DNAJC17: variants seen among roughly 807,000 people sequenced by gnomAD.
DNAJC17 encodes DnaJ heat shock protein family (Hsp40) member C17.
Under a neutral mutation model 48.1 loss-of-function variants are expected in DNAJC17, and 35 were observed. The observed-to-expected ratio is 0.73, with a 90% CI of 0.56 to 0.96. DNAJC17 has a LOEUF of 0.96. DNAJC17 is among the 50% of genes least tolerant of loss of function. The pLI is 0.00. For missense variants in DNAJC17, 355 were observed against 377.1 expected (o/e 0.94, Z 0.48); for synonymous variants, 117 against 142.7 (o/e 0.82, Z 1.28).
rs1207187471 is a variant in DNAJC17, at chr15:40,776,232, C to T, written c.442G>A (p.Glu148Lys). ...TGGTCACGCTCCTGGCGTATCTGCT[C>T]CCGGATGAGCCTCTGCTGTTCCTCC... is the stretch of plus-strand genomic sequence containing the variant. ...QLEEQQRLIR[E>K]QIRQERDQRL... is the part of the protein sequence containing the mutation. Residue 148 changes from glutamate to lysine, a missense_variant, in exon 6 of 11, where the codon GAG (glutamate) becomes AAG (lysine). Glu to Lys is a moderately conservative substitution (Grantham distance 56). Transcript: ENST00000220496. 1 of 1,614,150 alleles carries T rather than the reference C, an allele frequency of 6.2e-7. No individual in the cohort carries two copies. The highest frequency in any genetic ancestry group is 8.5e-7 in the Non-Finnish European group (1 of 1,180,028).
chr15:40,807,252 G>A (rs1267023632), intron 1 of DNAJC17, 117 bp downstream of exon 1: 2 of 1,586,568 alleles, frequency 1.3e-6, no homozygotes, highest in Non-Finnish European at 1.7e-6. Flanking sequence ...GCCGACCCTC[G>A]CTCCCCGCCC....
At chr15:40,797,717 C>CTTT (rs538219563) in intron 1 of DNAJC17, among the ~76,000 whole-genome samples, 51 of 98,988 alleles carry the variant, frequency 5.2e-4, no homozygotes, top group East Asian at 1.7e-3. Context: ...TGGCCGATCT[C>CTTT]TTTTTTTTTT....
intron 1 of DNAJC17, among the ~76,000 whole-genome samples, chr15:40,799,311 G>A (rs968152994): frequency 1.4e-5 from 2 of 147,624 alleles, no homozygotes; most frequent in African/African-American, 2.5e-5. Flanking sequence ...ACTTCCACCC[G>A]AAACCCAGGT....
In DNAJC17 at chr15:40,781,904, A is replaced by T. The variant is rs572737593; in HGVS notation, c.79-1907T>A. Among the ~76,000 whole-genome samples the T allele has an allele frequency of 3.7e-4, 57 of 152,238 alleles. 1 individual carries two copies. Among genetic ancestry groups the T allele is most frequent in the Admixed American group, 7.2e-4 (11 of 15,300 alleles). On this transcript the variant is annotated intron_variant, in intron 1 of 10. Transcript: ENST00000220496. ...ACCATTGCACTGCAGCCTGGGAGACAGAATGAGACTCTGTCTCAAAAAAAA... is the reference window on the plus strand; with the variant it reads ...ACCATTGCACTGCAGCCTGGGAGACTGAATGAGACTCTGTCTCAAAAAAAA...
chr15:40,779,904 C>T lies in DNAJC17; in HGVS notation c.148+24G>A, dbSNP rs757047104. On this transcript the variant is annotated intron_variant, in intron 2 of 10. Transcript: ENST00000220496. Reference sequence around the variant, plus strand: ...GCCCGGGTGAGTGGGTTTCTTTCTCCCCACGCCCTGAGAAGAGTCTCACCT... The same window carrying T: ...GCCCGGGTGAGTGGGTTTCTTTCTCTCCACGCCCTGAGAAGAGTCTCACCT... 4 of 1,611,468 alleles carry T rather than the reference C, an allele frequency of 2.5e-6. No individual in the cohort carries two copies. In the South Asian group the frequency reaches 4.4e-5, roughly 18 times the overall value.
At chr15:40,797,599 C>T (rs1208645487) in intron 1 of DNAJC17, among the ~76,000 whole-genome samples, 1 of 150,942 alleles carries the variant, frequency 6.6e-6, no homozygotes, top group Admixed American at 6.6e-5. Context: ...TTTAGTAGAG[C>T]CGGGATTTCA....
intron 1 of DNAJC17, among the ~76,000 whole-genome samples, chr15:40,799,578 C>T (rs1314380079): frequency 6.6e-6 from 1 of 152,120 alleles, no homozygotes; most frequent in African/African-American, 2.4e-5. Flanking sequence ...TCTGTAAAGG[C>T]CCCCGGTTGA....
intron 9 of DNAJC17, 89 bp from the exon 10 acceptor site, chr15:40,773,926 G>T: frequency 8.5e-7 from 1 of 1,180,528 alleles, no homozygotes; most frequent in Non-Finnish European, 1.2e-6. Context: ...CGGAACCAGC[G>T]TTCTAGCCCT....
rs997211575 is a variant in DNAJC17 at position 40,769,431 on chromosome 15, C to T, written c.793-1369G>A. 1.3e-5 allele frequency among the ~76,000 whole-genome samples: 2 copies of T among 152,230 alleles called. No individual in the cohort carries two copies. Among genetic ancestry groups the T allele is most frequent in the Non-Finnish European group, 2.9e-5 (2 of 68,034 alleles). On this transcript the variant is annotated intron_variant, in intron 10 of 10. Transcript: ENST00000220496. This position sits in a 1 kb window ranked among gnomAD's most constrained non-coding sequence, Gnocchi z 4.2. ...AGGCTGATGGCAGGCCAAGAGGAGG[C>T]CACATCTCCCATCCCCAGGTTAATG...
intron 4 of DNAJC17, among the ~76,000 whole-genome samples, chr15:40,777,251 C>T (rs1889353151): frequency 2.0e-5 from 3 of 150,008 alleles, no homozygotes; most frequent in Admixed American, 1.3e-4. Flanking sequence ...GTGCACTTTA[C>T]TTACTTAGAC....
At chr15:40,797,878 C>T (rs771890088) in intron 1 of DNAJC17, among the ~76,000 whole-genome samples, 2 of 151,866 alleles carry the variant, frequency 1.3e-5, no homozygotes, top group African/African-American at 2.4e-5. Flanking sequence ...CCCACCACCA[C>T]GCCTGGCTAG....
At chr15:40,788,146 C>T (rs995399212) in intron 1 of DNAJC17, among the ~76,000 whole-genome samples, 1 of 152,178 alleles carries the variant, frequency 6.6e-6, no homozygotes, top group African/African-American at 2.4e-5. Flanking sequence ...GGGGCAGCCA[C>T]GTCTCCCCAA....
In DNAJC17 at chr15:40,767,645, C is replaced by T. The variant is rs933632809; in HGVS notation, c.*295G>A. ...CTGCCCCGGGCCGGAGCTGGGCACT[C>T]CAGCGGCCCTGGCGCGTGGCTCCTG... On this transcript the variant is annotated 3_prime_UTR_variant, in exon 11 of 11. Coordinates refer to ENST00000220496, the MANE Select transcript of DNAJC17 (RefSeq NM_018163.3). 3 of 583,720 alleles carry T rather than the reference C, an allele frequency of 5.1e-6. No individual in the cohort carries two copies. The highest frequency in any genetic ancestry group is 3.9e-5 in the African/African-American group (2 of 51,676). The allele number at this position is 583,720 out of a possible 1,614,324, so 36.2% of individuals were successfully genotyped here. A position where few individuals can be genotyped will look rare whatever the true frequency, so the allele number is the denominator to read the frequency against.
chr15:40,779,274 C>T lies in DNAJC17; in HGVS notation c.244G>A (p.Ala82Thr), dbSNP rs1308701569. 6.2e-7 allele frequency: 1 copy of T among 1,614,108 alleles called. No homozygotes were observed. Among genetic ancestry groups the T allele is most frequent in the South Asian group, 1.1e-5 (1 of 91,078 alleles). ...YDKVRKAKKQ[A>T]AERTQKLDEK... ...TCAAGTTTCTGGGTCCTCTCTGCTGCTTGCTTCTTGGCTTTCCTGACCTTG... is the reference window on the plus strand; with the variant it reads ...TCAAGTTTCTGGGTCCTCTCTGCTGTTTGCTTCTTGGCTTTCCTGACCTTG... The change falls in exon 4 of 11, where the codon GCA becomes ACA. Residue 82 changes from alanine to threonine, a missense_variant. Coordinates refer to ENST00000220496, the MANE Select transcript of DNAJC17 (RefSeq NM_018163.3).
intron 4 of DNAJC17, 135 bp downstream of exon 4, chr15:40,779,087 TA>T: frequency 1.2e-6 from 1 of 824,096 alleles, no homozygotes; most frequent in Non-Finnish European, 2.1e-6. Context: ...AACCAACCTC[TA>T]AGAACAGCGT....
rs1889119387 is a variant in DNAJC17 at position 40,770,899 on chromosome 15, A to G, written c.792+2828T>C. ...GGCCTTGTGGACACTCCCTGCTTCC[A>G]GAGGACACCTACCCCAGACCTCAGT... On this transcript the variant is annotated intron_variant, in intron 10 of 10. Coordinates refer to ENST00000220496, the MANE Select transcript of DNAJC17 (RefSeq NM_018163.3). The surrounding 1 kb of genome is among the most constrained non-coding windows in gnomAD (Gnocchi z 5.0). 1 of 1,551,406 alleles carries G rather than the reference A, an allele frequency of 6.4e-7. No individual in the cohort carries two copies. Among genetic ancestry groups the G allele is most frequent in the African/African-American group, 1.4e-5 (1 of 73,052 alleles).
At chr15:40,782,688 A>G (rs931710106) in intron 1 of DNAJC17, among the ~76,000 whole-genome samples, 10 of 152,122 alleles carry the variant, frequency 6.6e-5, no homozygotes, top group Non-Finnish European at 1.0e-4. Flanking sequence ...TTCTACACCC[A>G]AGTGTGCTAA....
Position 40,765,963 on chromosome 15 carries a change from C to T in DNAJC17, c.*1977G>A. On this transcript the variant is annotated 3_prime_UTR_variant, in exon 11 of 11. Transcript: ENST00000220496. ...CTCAGTATCCTCTCCCTGCCAGCCC[C>T]TAGACCTGCCTCTGCTCCCTTTATA... 2.0e-6 allele frequency: 2 copies of T among 1,024,302 alleles called. No individual in the cohort carries two copies. Among genetic ancestry groups the T allele is most frequent in the East Asian group, 5.3e-5 (2 of 37,708 alleles). The allele number at this position is 1,024,302 out of a possible 1,614,324, so 63.5% of individuals were successfully genotyped here.
At chr15:40,773,382 C>T (rs933865175) in intron 10 of DNAJC17, among the ~76,000 whole-genome samples, 1 of 152,184 alleles carries the variant, frequency 6.6e-6, no homozygotes, top group Non-Finnish European at 1.5e-5. Flanking sequence ...TCACCTGCCC[C>T]TTCTCTGCAG....
Sources: allele counts gnomAD v4.1 joint callset (sites outside exome capture counted in the v4.1 genomes callset), GRCh38; gene constraint gnomAD v4.1.1; non-coding constraint Gnocchi (gnomAD v3.1); transcripts MANE v1.5; gene names NCBI Gene and HGNC (gene_info 2026-07-23, HGNC 2026-07-21).